Variants in NLRP1 observed in about 807,000 individuals in gnomAD.
NLRP1 encodes the protein NLR family pyrin domain containing 1.
In NLRP1, 94 loss-of-function variants were observed where a neutral mutation model predicts 136.7. The ratio of observed to expected loss-of-function variants is 0.69; its 90% CI spans 0.58 to 0.82. The LOEUF (loss-of-function observed/expected upper bound fraction) is 0.82, where lower values mean the gene tolerates loss of function less well. Among genes scored for constraint, NLRP1 ranks in the 40% least tolerant of loss-of-function variants. The pLI is 0.00. For synonymous variants in NLRP1, 690 were observed against 725.1 expected (o/e 0.95, Z 0.78); for missense variants, 1,575 against 1,802.7 (o/e 0.87, Z 2.29).
Position 5,515,010 on chromosome 17 carries a change from A to T in NLRP1, c.4166T>A (p.Leu1389Gln). The T allele has an allele frequency of 6.2e-7, 1 of 1,614,184 alleles. No homozygotes were observed. Among genetic ancestry groups the T allele is most frequent in the Non-Finnish European group, 8.5e-7 (1 of 1,180,032 alleles). ...LHFVDQYREQ[L>Q]IARVTSVEVV... Reference sequence around the variant, plus strand: ...CTCCACCGATGTCACTCGGGCTATCAGCTGCTCTCGATACTGGTCCACAAA... The same window carrying T: ...CTCCACCGATGTCACTCGGGCTATCTGCTGCTCTCGATACTGGTCCACAAA... Residue 1389 changes from leucine to glutamine, a missense_variant, in exon 17 of 17, where the codon CTG becomes CAG. Physicochemically the swap from Leu to Gln is moderately radical, Grantham distance 113. Transcript: ENST00000572272.
Position 5,542,734 on chromosome 17 carries a change from CTCCTTCCT to C in NLRP1, c.2529-715_2529-708del, listed in dbSNP as rs1246321354. On this transcript the variant is annotated intron_variant, in intron 5 of 16. Coordinates refer to ENST00000572272, the MANE Select transcript of NLRP1 (RefSeq NM_033004.4). ...CATTTCCCTCCCTCCCTCCCTCCCT[CTCCTTCCT>C]TCCTTCCTTCCTTTCCTCTTTCTCC... 1.2e-3 allele frequency among the ~76,000 whole-genome samples: 153 copies of C among 132,518 alleles called. 2 individuals are homozygous for C. The highest frequency in any genetic ancestry group is 4.0e-3 in the African/African-American group (139 of 35,070). The allele number at this position is 132,518 out of a possible 152,430, so 86.9% of individuals were successfully genotyped here.
At chr17:5,516,778 A>C (rs1328944675) in intron 15 of NLRP1, among the ~76,000 whole-genome samples, 2 of 152,164 alleles carry the variant, frequency 1.3e-5, no homozygotes, top group Non-Finnish European at 2.9e-5. Context: ...TTAGTTCTCC[A>C]TCTGTGGTTG....
chr17:5,539,330 G>T, intron 7 of NLRP1, 85 bp downstream of exon 7: 1 of 1,323,628 alleles, frequency 7.6e-7, no homozygotes, highest in East Asian at 2.4e-5. Context: ...GGTTGGCTAT[G>T]CATTTATCAG....
At position 5,584,229 on chromosome 17, in the gene NLRP1, A is replaced by G; in HGVS notation, c.-272T>C. On this transcript the variant is annotated 5_prime_UTR_variant, in exon 1 of 17. Transcript: ENST00000572272. ...AGGTCCTGGGATGGGGTCCAGGGCC[A>G]GGCAGGGAGGGTGAGGGTGAGGGGA... 2.0e-6 allele frequency: 1 copy of G among 496,030 alleles called. No homozygotes were observed. The highest frequency in any genetic ancestry group is 3.6e-6 in the Non-Finnish European group (1 of 274,366). 30.7% of individuals were successfully genotyped at this position (496,030 alleles called of 1,614,324 possible).
chr17:5,582,887 G>A (rs201026569), intron 1 of NLRP1, 41 bp from the exon 2 acceptor site: 15 of 1,518,468 alleles, frequency 9.9e-6, no homozygotes, highest in Non-Finnish European at 8.9e-7. Flanking sequence ...ACATCAGAGG[G>A]GCAGGGGCAA....
Position 5,514,721 on chromosome 17 carries a change from A to C in NLRP1, c.*33T>G. On this transcript the variant is annotated 3_prime_UTR_variant, in exon 17 of 17. Transcript: ENST00000572272. ...ACCCAAAGAAGGGTCAGCCAAAGCC[A>C]GGACTCAAGGGTCAAGGGCTGGTGT... 6.2e-7 allele frequency: 1 copy of C among 1,606,226 alleles called. No homozygotes were observed. Among genetic ancestry groups the C allele is most frequent in the Non-Finnish European group, 8.5e-7 (1 of 1,173,754 alleles).
intron 5 of NLRP1, 150 bp downstream of exon 5, chr17:5,553,236 T>C (rs1913595625): frequency 1.5e-6 from 1 of 646,460 alleles, no homozygotes. Context: ...AAAAATCCTA[T>C]CTGTGTTTGT....
intron 12 of NLRP1, among the ~76,000 whole-genome samples, chr17:5,527,871 C>T (rs557788851): frequency 3.0e-4 from 46 of 152,320 alleles, no homozygotes; most frequent in Non-Finnish European, 4.1e-4. Context: ...ACTTGATGCA[C>T]GCAGGAGACT....
At chr17:5,529,494 A>G (rs4790775) in intron 12 of NLRP1, among the ~76,000 whole-genome samples, 35,825 of 151,274 alleles carry the variant, frequency 0.24, 4,694 homozygotes, top group East Asian at 0.58. Context: ...CAGCCTTCCG[A>G]GTAGCTGGGA....
At position 5,558,810 on chromosome 17, in the gene NLRP1, A is replaced by C; in HGVS notation, c.1886T>G (p.Phe629Cys). 1.9e-6 allele frequency: 3 copies of C among 1,614,212 alleles called. No homozygotes were observed. Among genetic ancestry groups the C allele is most frequent in the Non-Finnish European group, 2.5e-6 (3 of 1,180,012 alleles). ...YSFIHLCFQE[F>C]FAAMSYVLED... ...CAAGACATAGGACATTGCTGCAAAG[A>C]ACTCTTGGAAACAGAGGTGAATGAA... The change falls in exon 4 of 17, where the codon TTC becomes TGC. Residue 629 changes from phenylalanine (F) to cysteine (C), a missense_variant. Physicochemically the swap from Phe to Cys is radical, Grantham distance 205. Coordinates refer to ENST00000572272, the MANE Select transcript of NLRP1 (RefSeq NM_033004.4).
At chr17:5,549,507 G>A (rs539324460) in intron 5 of NLRP1, among the ~76,000 whole-genome samples, 76 of 151,984 alleles carry the variant, frequency 5.0e-4, no homozygotes, top group Admixed American at 2.5e-3. Flanking sequence ...CTTGAACTCC[G>A]GAACTCAAGC....
intron 3 of NLRP1, among the ~76,000 whole-genome samples, chr17:5,566,776 A>G (rs1338606808): frequency 6.6e-6 from 1 of 152,006 alleles, no homozygotes; most frequent in East Asian, 1.9e-4. Flanking sequence ...GTCTCCAGCT[A>G]TTATTGTATT....
intron 12 of NLRP1, 70 bp downstream of exon 12, chr17:5,530,411 T>G: frequency 7.1e-7 from 1 of 1,416,582 alleles, no homozygotes; most frequent in African/African-American, 1.4e-5. Context: ...CCCAGGAGAT[T>G]ATCATTCTAC....
chr17:5,553,617 C>T, intron 4 of NLRP1, 61 bp from the exon 5 acceptor site: 1 of 1,468,526 alleles, frequency 6.8e-7, no homozygotes, highest in Non-Finnish European at 9.4e-7. Flanking sequence ...TTGAGGTGCC[C>T]AGCCCTGCAC....
At chr17:5,580,378 C>A (rs2151829112) in intron 3 of NLRP1, among the ~76,000 whole-genome samples, 1 of 152,244 alleles carries the variant, frequency 6.6e-6, no homozygotes, top group African/African-American at 2.4e-5. Flanking sequence ...ACATAACTTA[C>A]CTATATAACA....
chr17:5,553,523 C>T lies in NLRP1; in HGVS notation c.2391G>A (p.Trp797Ter), dbSNP rs1365929872. ...FRWVPVTDAY[W>*]QILFSVLKVT... ...CCTTGAGGACGGAGAAGAGAATCTG[C>T]CAATAGGCATCTGTGACTGGGACCC... The change falls in exon 5 of 17, where the codon TGG becomes TGA. Residue 797 changes from tryptophan to a stop codon, truncating the protein, a stop_gained. Coordinates refer to ENST00000572272, the MANE Select transcript of NLRP1 (RefSeq NM_033004.4). LOFTEE classifies it high-confidence loss of function. 1 of 1,614,022 alleles carries T rather than the reference C, an allele frequency of 6.2e-7. No individual in the cohort carries two copies. The highest frequency in any genetic ancestry group is 1.3e-5 in the African/African-American group (1 of 74,916).
chr17:5,569,203 GC>G (rs1238992973), intron 3 of NLRP1, among the ~76,000 whole-genome samples: 1 of 152,118 alleles, frequency 6.6e-6, no homozygotes, highest in Non-Finnish European at 1.5e-5. Flanking sequence ...ATACTATCAA[GC>G]AACTACAAAA....
chr17:5,501,980 C>G (rs548828598), intron 15 of NLRP1: 7 of 959,378 alleles, frequency 7.3e-6, no homozygotes, highest in Non-Finnish European at 1.2e-5. Context: ...AAACTGCCAT[C>G]AGAGAACTCC....
chr17:5,582,363 A>T (rs1268181933), intron 2 of NLRP1, among the ~76,000 whole-genome samples: 1 of 152,022 alleles, frequency 6.6e-6, no homozygotes, highest in Non-Finnish European at 1.5e-5. Context: ...CATCAATATT[A>T]TGAGCTGAGT....
Sources: gnomAD v4.1 joint callset for allele counts (sites outside exome capture counted in the v4.1 genomes callset) on GRCh38, gnomAD v4.1.1 for gene constraint, MANE v1.5 for transcripts, NCBI Gene and HGNC (gene_info 2026-07-23, HGNC 2026-07-21) for gene names.